Variants in USP40 observed in about 807,000 individuals in gnomAD.
USP40 encodes ubiquitin specific peptidase 40, also known as ubiquitin carboxyl-terminal hydrolase 40.
A neutral mutation model predicts 166.2 loss-of-function variants in USP40; 143 were observed. The ratio of observed to expected loss-of-function variants is 0.86; its 90% confidence interval spans 0.75 to 0.99. USP40 has a LOEUF of 0.99. Ranked by LOEUF, USP40 falls within the 50% of genes least tolerant of loss-of-function variation. USP40 has a pLI of 0.00. For synonymous variants in USP40, 498 were observed against 524.0 expected (o/e 0.95, Z 0.68); for missense variants, 1,444 against 1,479.7 (o/e 0.98, Z 0.40).
intron 5 of USP40, among the ~76,000 whole-genome samples, chr2:233,556,369 C>T (rs1575344604): frequency 6.6e-6 from 1 of 151,960 alleles, no homozygotes; most frequent in Non-Finnish European, 1.5e-5. Context: ...CATAGGATTA[C>T]AATAGCTTTA....
At chr2:233,519,711 A>T in intron 17 of USP40, 40 bp from the exon 18 acceptor site, 1 of 1,129,164 alleles carries the variant, frequency 8.9e-7, no homozygotes, top group Non-Finnish European at 1.3e-6. Context: ...GTTGTAAAAA[A>T]TGGGAGGAGA....
Position 233,523,348 on chromosome 2 carries a change from C to A in USP40, c.2023G>T (p.Gly675Cys), listed in dbSNP as rs149392665. The change falls in exon 16 of 32, where the codon GGC (glycine) becomes TGC (cysteine). Residue 675 changes from glycine (G) to cysteine (C), a missense_variant. Transcript: ENST00000678225. ...ATTGCTAAGGCTGTGAGGACAGTGC[C>A]CACTTCTGCATTAGCTGGAAAGACA... ...PHVFPANAEV[G>C]TVLTALAIPA... is the part of the protein sequence containing the mutation. 6.6e-4 allele frequency: 1,065 copies of A among 1,613,982 alleles called. 6 individuals are homozygous for A. The African/African-American group carries it at 0.012, about 18-fold the overall frequency.
chr2:233,487,013 C>A (rs2064992679), intron 28 of USP40, among the ~76,000 whole-genome samples: 1 of 152,178 alleles, frequency 6.6e-6, no homozygotes, highest in Non-Finnish European at 1.5e-5. Flanking sequence ...CAGAAAAGCC[C>A]ATGGAAGGGG....
intron 8 of USP40, among the ~76,000 whole-genome samples, chr2:233,543,305 C>T (rs1281762666): frequency 6.6e-6 from 1 of 152,028 alleles, no homozygotes; most frequent in Non-Finnish European, 1.5e-5. Context: ...TACAAAATTA[C>T]TAAAAATGCT....
At chr2:233,539,852 A>T (rs887903167) in intron 10 of USP40, among the ~76,000 whole-genome samples, 1 of 152,234 alleles carries the variant, frequency 6.6e-6, no homozygotes, top group Non-Finnish European at 1.5e-5. Flanking sequence ...GCATCAAATT[A>T]TATCTAAGGC....
chr2:233,556,364 G>A (rs1319458345), intron 5 of USP40, among the ~76,000 whole-genome samples: 2 of 151,952 alleles, frequency 1.3e-5, no homozygotes, highest in African/African-American at 4.8e-5. Flanking sequence ...ATTAACATAG[G>A]ATTACAATAG....
intron 21 of USP40, among the ~76,000 whole-genome samples, chr2:233,507,092 A>G (rs2066473118): frequency 6.6e-6 from 1 of 152,184 alleles, no homozygotes; most frequent in Non-Finnish European, 1.5e-5. Context: ...CACAAATCAT[A>G]AAGGAAATGT....
At chr2:233,548,001 G>T (rs1314212650) in intron 8 of USP40, among the ~76,000 whole-genome samples, 1 of 152,088 alleles carries the variant, frequency 6.6e-6, no homozygotes, top group African/African-American at 2.4e-5. Flanking sequence ...TGACAATGTG[G>T]TATTTGCCCA....
At position 233,478,876 on chromosome 2, in the gene USP40, C is replaced by T. The variant is rs116691826; in HGVS notation, c.3600-1373G>A. On this transcript the variant is annotated intron_variant, in intron 31 of 31. Coordinates refer to ENST00000678225, the MANE Select transcript of USP40 (RefSeq NM_001365479.2). ...GGTCTCTGAAAGGACATGCAGGTGA[C>T]GGTCACGCTGGCCCATCTAGGAGAG... Among the ~76,000 whole-genome samples, 983 of 152,268 alleles carry T rather than the reference C, an allele frequency of 6.5e-3. 5 individuals carry two copies. The highest frequency in any genetic ancestry group is 0.022 in the African/African-American group (930 of 41,542).
In USP40 at chr2:233,485,727, G is replaced by A. The variant is rs181739126; in HGVS notation, c.3408+40C>T. On this transcript the variant is annotated intron_variant, in intron 29 of 31. Transcript: ENST00000678225. ...AATTGCATAACCTCATTGCTATGCC[G>A]GTAAGCCCCAATTTCTCTGAGACAG... 1.6e-4 allele frequency: 258 copies of A among 1,607,256 alleles called. 1 individual carries two copies. In the African/African-American group the frequency reaches 2.8e-3, roughly 17 times the overall value.
chr2:233,519,441 T>A, intron 18 of USP40, 173 bp downstream of exon 18: 1 of 527,744 alleles, frequency 1.9e-6, no homozygotes, highest in Non-Finnish European at 3.5e-6. Context: ...TTAACTTCAT[T>A]TATAATGTTT....
intron 21 of USP40, 62 bp downstream of exon 21, chr2:233,509,987 G>T: frequency 7.6e-7 from 1 of 1,316,948 alleles, no homozygotes. Context: ...GGATACCACT[G>T]TTCCTCACAG....
chr2:233,512,028 A>G (rs748383006), intron 19 of USP40: 9 of 382,830 alleles, frequency 2.4e-5, no homozygotes, highest in Non-Finnish European at 3.2e-5. Flanking sequence ...AATGGAAGCT[A>G]TGAAAGTCTA....
intron 21 of USP40, among the ~76,000 whole-genome samples, chr2:233,509,824 G>T (rs2066670732): frequency 7.7e-6 from 1 of 130,462 alleles, no homozygotes. Context: ...CTGGGTGACA[G>T]AGTTGAGACT....
At chr2:233,539,037 G>A (rs2069154406) in intron 10 of USP40, among the ~76,000 whole-genome samples, 1 of 151,962 alleles carries the variant, frequency 6.6e-6, no homozygotes, top group African/African-American at 2.4e-5. Flanking sequence ...TCAAAAAAAA[G>A]GCAAGCATTT....
rs2072038556 is a variant in USP40, at chr2:233,565,297, TAA to T, written c.199+57_199+58del. The T allele has an allele frequency of 2.3e-6, 3 of 1,280,848 alleles. No individual in the cohort carries two copies. In the South Asian group the frequency reaches 4.2e-5, roughly 18 times the overall value. The allele number at this position is 1,280,848 out of a possible 1,614,324, so 79.3% of individuals were successfully genotyped here. On this transcript the variant is annotated intron_variant, in intron 2 of 31. Coordinates refer to ENST00000678225, the MANE Select transcript of USP40 (RefSeq NM_001365479.2). ...TGGTCTATTTGTGATTTTGCATAAT[TAA>T]TTACATGTAAAGAAGATGGTACATA...
rs545341837 is a variant in USP40 at position 233,560,706 on chromosome 2, T to C, written c.268-782A>G. On this transcript the variant is annotated intron_variant, in intron 3 of 31. Coordinates refer to ENST00000678225, the MANE Select transcript of USP40 (RefSeq NM_001365479.2). The stretch of plus-strand genomic sequence containing the variant: ...AAGCAGGGAGGAACATGATTAGATA[T>C]GCACTTTAAATATCACCACAATAAC... 1.7e-5 allele frequency: 5 copies of C among 297,764 alleles called. No individual in the cohort carries two copies. The Admixed American group carries it at 1.8e-4, about 11-fold the overall frequency. 18.4% of individuals were successfully genotyped at this position (297,764 alleles called of 1,614,324 possible).
intron 18 of USP40, among the ~76,000 whole-genome samples, chr2:233,515,730 T>G (rs971878239): frequency 1.3e-5 from 2 of 152,234 alleles, no homozygotes; most frequent in Non-Finnish European, 1.5e-5. Flanking sequence ...TTGTGCTTTT[T>G]GAGTCCTATC....
At position 233,485,684 on chromosome 2, in the gene USP40, T is replaced by C. The variant is rs1247836461; in HGVS notation, c.3409-58A>G. On this transcript the variant is annotated intron_variant, in intron 29 of 31. Coordinates refer to ENST00000678225, the MANE Select transcript of USP40 (RefSeq NM_001365479.2). The stretch of plus-strand genomic sequence containing the variant: ...AACTCAACCTCAAGTTCTCACTAAC[T>C]TCTCTATCACTGTGAAAAATTGCAT... 2.5e-6 allele frequency: 4 copies of C among 1,601,414 alleles called. No individual in the cohort carries two copies. In the African/African-American group the frequency reaches 5.4e-5, roughly 21 times the overall value.
Sources: allele counts gnomAD v4.1 joint callset (sites outside exome capture counted in the v4.1 genomes callset), GRCh38; gene constraint gnomAD v4.1.1; transcripts MANE v1.5; gene names NCBI Gene and HGNC (gene_info 2026-07-23, HGNC 2026-07-21).